Variants in SEMA3D observed in about 807,000 individuals in gnomAD.
SEMA3D encodes the protein semaphorin-3D.
Under a neutral mutation model 100.1 loss-of-function variants are expected in SEMA3D, and 84 were observed. The ratio of observed to expected loss-of-function variants is 0.84; its 90% CI spans 0.70 to 1.01. SEMA3D has a LOEUF of 1.01. SEMA3D is among the 50% of genes least tolerant of loss of function. The pLI is 0.00. For missense variants in SEMA3D, 875 were observed against 934.1 expected, an observed-to-expected ratio of 0.94 and a Z score of 0.82; for synonymous variants, 312 against 320.7, an observed-to-expected ratio of 0.97 and a Z score of 0.29.
chr7:85,249,550 T>G, the SEMA3D span, among the ~76,000 whole-genome samples: 1 of 152,206 alleles, frequency 6.6e-6, no homozygotes, highest in Admixed American at 6.5e-5. Context: ...CAACTATCCC[T>G]TGAAACTACC....
At chr7:85,217,987 A>G in the SEMA3D span, among the ~76,000 whole-genome samples, 1 of 152,114 alleles carries the variant, frequency 6.6e-6, no homozygotes, top group African/African-American at 2.4e-5. Context: ...TATTAGTTAA[A>G]TAATCATTTT....
At chr7:85,066,946 A>AGAGAGAGAGAGAGAGAGAGAGAGC (rs1583889292) in intron 7 of SEMA3D, among the ~76,000 whole-genome samples, 1 of 149,588 alleles carries the variant, frequency 6.7e-6, no homozygotes, top group Non-Finnish European at 1.5e-5. Flanking sequence ...AGAGAGAGAG[A>AGAGAGAGAGAGAGAGAGAGAGAGC]ACTCCAGCTA....
intron 18 of SEMA3D, among the ~76,000 whole-genome samples, chr7:85,001,915 A>G (rs1789666087): frequency 6.6e-6 from 1 of 152,130 alleles, no homozygotes; most frequent in East Asian, 1.9e-4. Context: ...TTTCCTTTAC[A>G]TAACTGGTAC....
intron 3 of SEMA3D, among the ~76,000 whole-genome samples, chr7:85,106,967 G>A (rs1235774121): frequency 2.0e-5 from 3 of 152,040 alleles, no homozygotes; most frequent in Non-Finnish European, 2.9e-5. Context: ...ACAATTCAAG[G>A]TGAGGTTTGG....
the SEMA3D span, among the ~76,000 whole-genome samples, chr7:85,193,809 C>T: frequency 1.3e-5 from 2 of 151,246 alleles, no homozygotes; most frequent in Non-Finnish European, 2.9e-5. Flanking sequence ...GGCTGCAGTT[C>T]TTTTTATATA....
upstream of SEMA3D, among the ~76,000 whole-genome samples, chr7:85,189,654 G>A (rs767276965): frequency 1.3e-5 from 2 of 151,866 alleles, no homozygotes; most frequent in African/African-American, 2.4e-5. Context: ...AGTCCAAGGG[G>A]AAAAATACAA....
chr7:85,053,970 C>A (rs1292058497), intron 9 of SEMA3D, among the ~76,000 whole-genome samples: 3 of 151,536 alleles, frequency 2.0e-5, no homozygotes. Context: ...TCATTTACGA[C>A]AATTTTCTCT....
chr7:85,005,893 A>G (rs985703131), intron 18 of SEMA3D, among the ~76,000 whole-genome samples: 3 of 152,050 alleles, frequency 2.0e-5, no homozygotes, highest in Admixed American at 6.6e-5. Flanking sequence ...ACTTAATTAC[A>G]TGTACTATTT....
chr7:85,075,315 A>G (rs1245594984), intron 5 of SEMA3D, among the ~76,000 whole-genome samples: 1 of 152,022 alleles, frequency 6.6e-6, no homozygotes, highest in Non-Finnish European at 1.5e-5. Flanking sequence ...ATTTTAAATT[A>G]TGGAGTCAAA....
At chr7:85,215,187 G>C in the SEMA3D span, among the ~76,000 whole-genome samples, 2 of 149,310 alleles carry the variant, frequency 1.3e-5, no homozygotes, top group African/African-American at 4.9e-5. Context: ...TGTGAAGACT[G>C]ACTAATCTCA....
chr7:85,171,025 C>T lies in SEMA3D; in HGVS notation c.-173+15653G>A, dbSNP rs73703801. Among the ~76,000 whole-genome samples the T allele has an allele frequency of 3.1e-3, 471 of 151,934 alleles. 6 individuals are homozygous for T. Among genetic ancestry groups the T allele is most frequent in the African/African-American group, 0.011 (436 of 41,470 alleles). On this transcript the variant is annotated intron_variant, in intron 1 of 18. Transcript: ENST00000284136. Reference sequence around the variant, plus strand: ...ATCTCAATATATAAGTATACTAAGGCGGATACAGTTAAATAACTCCAATTT... The same window carrying T: ...ATCTCAATATATAAGTATACTAAGGTGGATACAGTTAAATAACTCCAATTT...
intron 5 of SEMA3D, among the ~76,000 whole-genome samples, chr7:85,075,693 A>G (rs1791903045): frequency 6.6e-6 from 1 of 152,226 alleles, no homozygotes; most frequent in Non-Finnish European, 1.5e-5. Flanking sequence ...TCTGTAGGGA[A>G]TTTGAGAGAG....
At chr7:85,231,478 C>T in the SEMA3D span, among the ~76,000 whole-genome samples, 2 of 105,314 alleles carry the variant, frequency 1.9e-5, no homozygotes, top group South Asian at 3.6e-4. Flanking sequence ...GACGGAGTCT[C>T]GCTCTGTCAC....
the SEMA3D span, among the ~76,000 whole-genome samples, chr7:85,238,126 T>C: frequency 3.3e-5 from 5 of 152,242 alleles, no homozygotes; most frequent in Non-Finnish European, 5.9e-5. Flanking sequence ...TTTCTTATTG[T>C]TGAATTTTAA....
At chr7:85,140,859 G>A (rs941867156) in intron 2 of SEMA3D, 2 of 810,198 alleles carry the variant, frequency 2.5e-6, no homozygotes, top group African/African-American at 1.9e-5. Context: ...TTAAAAAAAT[G>A]GTAGGTATAC....
chr7:85,161,045 C>A (rs1032113156), intron 1 of SEMA3D, among the ~76,000 whole-genome samples: 1 of 152,080 alleles, frequency 6.6e-6, no homozygotes, highest in Non-Finnish European at 1.5e-5. Flanking sequence ...AAAATACAGG[C>A]AACTTGACCA....
In SEMA3D at chr7:85,165,870, G is replaced by A. The variant is rs144839822; in HGVS notation, c.-172-12131C>T. Among the ~76,000 whole-genome samples, 432 of 152,150 alleles carry A rather than the reference G, an allele frequency of 2.8e-3. 1 individual carries two copies. The highest frequency in any genetic ancestry group is 9.8e-3 in the African/African-American group (409 of 41,540). The stretch of plus-strand genomic sequence containing the variant: ...TCAAACACTACAAAGTATTTCCAAA[G>A]GTCAGCCTTTTACAGAAATATTCAG... On this transcript the variant is annotated intron_variant, in intron 1 of 18. Transcript: ENST00000284136.
chr7:85,140,369 T>C, intron 2 of SEMA3D: 1 of 978,728 alleles, frequency 1.0e-6, no homozygotes, highest in African/African-American at 1.7e-5. Flanking sequence ...ATCCAGCCAG[T>C]AGATGTTGGT....
intron 2 of SEMA3D, among the ~76,000 whole-genome samples, chr7:85,149,316 G>A (rs1583969035): frequency 6.6e-6 from 1 of 152,160 alleles, no homozygotes; most frequent in African/African-American, 2.4e-5. Context: ...AGTTAGCCAG[G>A]CATGGTGGCA....
Sources: allele counts gnomAD v4.1 joint callset (sites outside exome capture counted in the v4.1 genomes callset), GRCh38; gene constraint gnomAD v4.1.1; transcripts MANE v1.5; gene names NCBI Gene and HGNC (gene_info 2026-07-23, HGNC 2026-07-21).